Variants in CPEB2 observed in about 807,000 individuals in gnomAD.
CPEB2 encodes cytoplasmic polyadenylation element binding protein 2.
Under a neutral mutation model 93.6 loss-of-function variants are expected in CPEB2, and 56 were observed. That is an observed-to-expected ratio of 0.60 (90% CI 0.48 to 0.75). The LOEUF is 0.75. CPEB2 is among the 30% of genes least tolerant of loss of function. The pLI is 0.00. For missense variants in CPEB2, 1,579 were observed against 1,395.1 expected, an observed-to-expected ratio of 1.13 and a Z score of -2.10; for synonymous variants, 764 against 586.3, an observed-to-expected ratio of 1.30 and a Z score of -4.38.
At position 15,030,684 on chromosome 4, in the gene CPEB2, A is replaced by T. The variant is rs560887254; in HGVS notation, c.2126-2477A>T. Among the ~76,000 whole-genome samples, 3 of 152,162 alleles carry T rather than the reference A, an allele frequency of 2.0e-5. No homozygotes were observed. In the South Asian group the frequency reaches 6.2e-4, roughly 32 times the overall value. Reference sequence around the variant, plus strand: ...TTTAAAAATGAGTCTAAATTTGCTTATTTCATTTTGGAGTATGTTATTACT... The same window carrying T: ...TTTAAAAATGAGTCTAAATTTGCTTTTTTCATTTTGGAGTATGTTATTACT... On this transcript the variant is annotated intron_variant, in intron 4 of 11. Coordinates refer to ENST00000538197, the MANE Select transcript of CPEB2 (RefSeq NM_001177382.2).
intron 5 of CPEB2, among the ~76,000 whole-genome samples, chr4:15,034,912 T>A (rs1350898376): frequency 6.6e-6 from 1 of 152,186 alleles, no homozygotes; most frequent in East Asian, 1.9e-4. Context: ...AGCTATTTTT[T>A]AACTACGTGC....
Position 15,003,429 on chromosome 4 carries a change from G to T in CPEB2, c.756G>T (p.Arg252=). Reference sequence around the variant, plus strand: ...TCTCGCCGCAGGACTTCGCCCCGCGGCAGCGTCCGGCAGACCTGCCCCCGC... The same window carrying T: ...TCTCGCCGCAGGACTTCGCCCCGCGTCAGCGTCCGGCAGACCTGCCCCCGC... The part of the protein sequence containing the change: ...QHLSPQDFAP[R]QRPADLPPLP... Residue 252 remains arginine, a synonymous_variant, in exon 1 of 12, where the codon CGG becomes CGT. Coordinates refer to ENST00000538197, the MANE Select transcript of CPEB2 (RefSeq NM_001177382.2). The T allele has an allele frequency of 7.4e-7, 1 of 1,354,660 alleles. No individual in the cohort carries two copies. The highest frequency in any genetic ancestry group is 1.9e-5 in the South Asian group (1 of 53,440). The allele number at this position is 1,354,660 out of a possible 1,614,324, so 83.9% of individuals were successfully genotyped here.
intron 5 of CPEB2, among the ~76,000 whole-genome samples, chr4:15,039,542 C>A (rs1726968725): frequency 6.6e-6 from 1 of 151,912 alleles, no homozygotes; most frequent in Non-Finnish European, 1.5e-5. Context: ...GCCTTGACTT[C>A]ATATATTAAT....
At chr4:15,013,213 G>A (rs1228279523) in intron 3 of CPEB2, among the ~76,000 whole-genome samples, 1 of 152,052 alleles carries the variant, frequency 6.6e-6, no homozygotes, top group East Asian at 1.9e-4. Context: ...AAGAGGTTAT[G>A]CCTTTTCCAA....
In CPEB2 at chr4:15,003,149, G is replaced by C. The variant is rs764350501; in HGVS notation, c.476G>C (p.Arg159Pro). The change falls in exon 1 of 12, where the codon CGC (arginine) becomes CCC (proline). Residue 159 changes from arginine (R) to proline (P), a missense_variant. Arg to Pro is a moderately radical substitution (Grantham distance 103, BLOSUM62 -2). Transcript: ENST00000538197. Reference protein sequence around the residue: ...SSSASSCCCCRTSSPQDFSKR... With the variant: ...SSSASSCCCCPTSSPQDFSKR... ...TCCGCCTCCTCCTGCTGCTGCTGCC[G>C]CACCTCCTCCCCGCAGGACTTCAGT... 3 of 1,532,982 alleles carry C rather than the reference G, an allele frequency of 2.0e-6. No homozygotes were observed. In the South Asian group the frequency reaches 3.6e-5, roughly 18 times the overall value. The allele number at this position is 1,532,982 out of a possible 1,614,324, so 95.0% of individuals were successfully genotyped here.
intron 3 of CPEB2, 100 bp from the exon 4 acceptor site, chr4:15,017,088 A>G (rs1724240050): frequency 6.0e-6 from 4 of 667,698 alleles, no homozygotes; most frequent in Non-Finnish European, 1.1e-5. Flanking sequence ...AGTAATAATC[A>G]GAAGTCCTAT....
At chr4:15,047,123 T>TTCC (rs1727784860) in intron 6 of CPEB2, among the ~76,000 whole-genome samples, 2 of 152,194 alleles carry the variant, frequency 1.3e-5, no homozygotes, top group South Asian at 4.1e-4. Context: ...CTCTATTATG[T>TTCC]TCCATTTATC....
At chr4:15,042,493 A>T (rs1480083262) in intron 6 of CPEB2, among the ~76,000 whole-genome samples, 1 of 152,232 alleles carries the variant, frequency 6.6e-6, no homozygotes, top group African/African-American at 2.4e-5. Context: ...GGCTTCTGAT[A>T]AAAGCTTCCA....
intron 4 of CPEB2, among the ~76,000 whole-genome samples, chr4:15,030,744 G>A (rs1321022039): frequency 6.6e-6 from 1 of 151,992 alleles, no homozygotes; most frequent in Non-Finnish European, 1.5e-5. Context: ...GCGAGCTGTA[G>A]TATTTATAAT....
Position 15,003,017 on chromosome 4 carries a change from C to T in CPEB2, c.344C>T (p.Thr115Met). ...CGGCCGCTTTCGGGGGCGGCGGCCA[C>T]GGAGAAACTCCCCGACCACCACCCC... ...PARPLSGAAA[T>M]EKLPDHHPGG... The change falls in exon 1 of 12, where the codon ACG (threonine) becomes ATG (methionine). Residue 115 changes from threonine (T) to methionine (M), a missense_variant. Thr to Met is a moderately conservative substitution (Grantham distance 81). Transcript: ENST00000538197. 6.7e-7 allele frequency: 1 copy of T among 1,496,944 alleles called. No individual in the cohort carries two copies. Among genetic ancestry groups the T allele is most frequent in the Non-Finnish European group, 8.8e-7 (1 of 1,134,748 alleles). 92.7% of individuals were successfully genotyped at this position (1,496,944 alleles called of 1,614,324 possible).
At chr4:15,021,932 T>G (rs931833188) in intron 4 of CPEB2, among the ~76,000 whole-genome samples, 1 of 152,174 alleles carries the variant, frequency 6.6e-6, no homozygotes, top group Non-Finnish European at 1.5e-5. Context: ...GCTGACTGAT[T>G]ATGGTAGTAC....
At chr4:15,023,024 G>A (rs974608931) in intron 4 of CPEB2, among the ~76,000 whole-genome samples, 3 of 151,846 alleles carry the variant, frequency 2.0e-5, no homozygotes, top group Non-Finnish European at 2.9e-5. Context: ...TTAGGTAAAT[G>A]ATTTAAATTA....
chr4:15,034,467 A>T (rs1224725175), intron 5 of CPEB2, among the ~76,000 whole-genome samples: 2 of 152,182 alleles, frequency 1.3e-5, no homozygotes, highest in African/African-American at 4.8e-5. Context: ...AGAGTATTTT[A>T]TTTCAGGCAA....
intron 5 of CPEB2, 73 bp from the exon 6 acceptor site, chr4:15,040,391 A>G: frequency 3.6e-6 from 5 of 1,404,568 alleles, no homozygotes; most frequent in Non-Finnish European, 4.9e-6. Context: ...AGCTTTTCGT[A>G]TCAGAAATAT....
At chr4:15,063,131 T>TC in intron 11 of CPEB2, among the ~76,000 whole-genome samples, 1 of 152,176 alleles carries the variant, frequency 6.6e-6, no homozygotes, top group African/African-American at 2.4e-5. Context: ...GTACTCCTTT[T>TC]CCCCAATATA....
intron 4 of CPEB2, among the ~76,000 whole-genome samples, chr4:15,026,435 C>G (rs1164630523): frequency 6.6e-6 from 1 of 152,038 alleles, no homozygotes; most frequent in Non-Finnish European, 1.5e-5. Flanking sequence ...ACCATGTTAG[C>G]CAGGATGGTC....
At chr4:15,008,006 G>A (rs561113574) in intron 2 of CPEB2, among the ~76,000 whole-genome samples, 75 of 152,130 alleles carry the variant, frequency 4.9e-4, no homozygotes, top group African/African-American at 1.6e-3. Context: ...AATATACTTA[G>A]TACAGCTGTG....
chr4:15,041,703 T>G (rs1222922740), intron 6 of CPEB2, among the ~76,000 whole-genome samples: 8 of 152,164 alleles, frequency 5.3e-5, no homozygotes, highest in African/African-American at 1.9e-4. Flanking sequence ...TATAGACATG[T>G]GCCAGTGCTT....
intron 4 of CPEB2, among the ~76,000 whole-genome samples, chr4:15,027,382 T>G (rs143348087): frequency 6.6e-6 from 1 of 151,972 alleles, no homozygotes; most frequent in Non-Finnish European, 1.5e-5. Context: ...TGTTGCTCTC[T>G]TCGGATCTGG....
Sources: gnomAD v4.1 joint callset for allele counts (sites outside exome capture counted in the v4.1 genomes callset) on GRCh38, gnomAD v4.1.1 for gene constraint, MANE v1.5 for transcripts, NCBI Gene and HGNC (gene_info 2026-07-23, HGNC 2026-07-21) for gene names.